The following SCIN variants were observed in gnomAD, a reference collection of about 807,000 sequenced individuals.
The protein encoded by SCIN is scinderin, also known as adseverin.
A neutral mutation model predicts 91.8 loss-of-function variants in SCIN; 91 were observed. The observed-to-expected ratio is 0.99, with a 90% confidence interval of 0.84 to 1.18. SCIN has a LOEUF of 1.18. Among genes scored for constraint, SCIN ranks in the 50% most tolerant of loss-of-function variants. SCIN has a pLI of 0.00. For synonymous variants in SCIN, 367 were observed against 312.6 expected (o/e 1.17, Z -1.84); for missense variants, 1,087 against 863.9 (o/e 1.26, Z -3.24).
chr7:12,608,521 A>G (rs1783127199), intron 4 of SCIN, among the ~76,000 whole-genome samples: 1 of 152,162 alleles, frequency 6.6e-6, no homozygotes, highest in Admixed American at 6.5e-5. Flanking sequence ...ACTGTCACAC[A>G]GTCTAGAGTG....
chr7:12,605,350 T>A (rs1783056917), intron 4 of SCIN, among the ~76,000 whole-genome samples: 1 of 152,148 alleles, frequency 6.6e-6, no homozygotes, highest in African/African-American at 2.4e-5. Flanking sequence ...TGCCCGGCCT[T>A]CTCAGGGTTT....
chr7:12,582,624 A>G (rs1782510377), intron 3 of SCIN, among the ~76,000 whole-genome samples: 1 of 152,178 alleles, frequency 6.6e-6, no homozygotes, highest in Admixed American at 6.5e-5. Context: ...GAATCTCACA[A>G]TAAATTTCAT....
In SCIN at chr7:12,658,398, T is replaced by C. The variant is rs1359610865; in HGVS notation, c.*5683T>C. The C allele has an allele frequency of 6.6e-6, 1 of 152,198 alleles. No individual in the cohort carries two copies. Among genetic ancestry groups the C allele is most frequent in the Non-Finnish European group, 1.5e-5 (1 of 68,038 alleles). The allele number at this position is 152,198 out of a possible 1,614,324, so 9.4% of individuals were successfully genotyped here. Reference sequence around the variant, plus strand: ...ATGTGGGCAGGGTTTCACTGGAGTATTGACACACCAAAGATGCTATGTAGG... The same window carrying C: ...ATGTGGGCAGGGTTTCACTGGAGTACTGACACACCAAAGATGCTATGTAGG... On this transcript the variant is annotated 3_prime_UTR_variant, in exon 16 of 16. Transcript: ENST00000297029.
At chr7:12,578,806 C>T (rs1782425912) in intron 2 of SCIN, among the ~76,000 whole-genome samples, 1 of 151,608 alleles carries the variant, frequency 6.6e-6, no homozygotes. Context: ...AATTTATGCA[C>T]ACTGGTCTGA....
At chr7:12,578,785 C>A (rs113996676) in intron 2 of SCIN, among the ~76,000 whole-genome samples, 15 of 152,056 alleles carry the variant, frequency 9.9e-5, no homozygotes, top group African/African-American at 3.1e-4. Context: ...ACTACACACA[C>A]GCACATACAC....
intron 13 of SCIN, among the ~76,000 whole-genome samples, chr7:12,646,481 C>G (rs1323479101): frequency 6.6e-6 from 1 of 152,178 alleles, no homozygotes; most frequent in African/African-American, 2.4e-5. Flanking sequence ...CTCCTACTAC[C>G]ATGCCATTGG....
chr7:12,606,468 T>C (rs1293765047), intron 4 of SCIN, among the ~76,000 whole-genome samples: 1 of 152,216 alleles, frequency 6.6e-6, no homozygotes, highest in African/African-American at 2.4e-5. Flanking sequence ...AATAACTTTA[T>C]GTATTGTAAT....
At position 12,578,141 on chromosome 7, in the gene SCIN, C is replaced by A. The variant is rs576612093; in HGVS notation, c.277C>A (p.Pro93Thr). 9.0e-6 allele frequency: 14 copies of A among 1,551,248 alleles called. No individual in the cohort carries two copies. The South Asian group carries it at 1.4e-4, about 16-fold the overall frequency. Residue 93 changes from proline to threonine, a missense_variant, in exon 2 of 16, where the codon CCA becomes ACA. Coordinates refer to ENST00000297029, the MANE Select transcript of SCIN (RefSeq NM_001112706.3). ...VQMDDYLGGK[P>T]VQNRELQGYE... is the part of the protein sequence containing the mutation. ...GATGGATGACTATTTGGGTGGCAAG[C>A]CAGTGCAGAATAGAGAACTTCAAGG...
intron 1 of SCIN, 35 bp downstream of exon 1, chr7:12,571,020 C>A: frequency 6.5e-7 from 1 of 1,532,964 alleles, no homozygotes; most frequent in Non-Finnish European, 8.8e-7. Flanking sequence ...CCCGACGCAC[C>A]AAGGCCGGCG....
chr7:12,608,681 G>T (rs912402445), intron 4 of SCIN, among the ~76,000 whole-genome samples: 1 of 152,052 alleles, frequency 6.6e-6, no homozygotes, highest in African/African-American at 2.4e-5. Flanking sequence ...GTTTCACTCT[G>T]TTGGCCAGGC....
rs552194334 is a variant in SCIN at position 12,627,793 on chromosome 7, C to T, written c.1197+994C>T. On this transcript the variant is annotated intron_variant, in intron 8 of 15. Coordinates refer to ENST00000297029, the MANE Select transcript of SCIN (RefSeq NM_001112706.3). ...CTCAGCCCTCCTGGCAAACTTGGTC[C>T]CCAGCACCAGCTGTGTCCTGGCTGC... Among the ~76,000 whole-genome samples, 33 of 152,202 alleles carry T rather than the reference C, an allele frequency of 2.2e-4. No homozygotes were observed. In the South Asian group the frequency reaches 6.2e-3, roughly 29 times the overall value.
chr7:12,587,956 C>T (rs1782625440), intron 3 of SCIN, among the ~76,000 whole-genome samples: 1 of 152,204 alleles, frequency 6.6e-6, no homozygotes, highest in African/African-American at 2.4e-5. Flanking sequence ...GAAACAGCAT[C>T]CTCACTTACT....
At chr7:12,582,037 C>T (rs1442344041) in intron 3 of SCIN, among the ~76,000 whole-genome samples, 3 of 152,224 alleles carry the variant, frequency 2.0e-5, no homozygotes, top group African/African-American at 7.2e-5. Context: ...TCACACCATA[C>T]ATCTCAACAT....
intron 14 of SCIN, among the ~76,000 whole-genome samples, chr7:12,650,836 A>G (rs1784064548): frequency 6.6e-6 from 1 of 152,158 alleles, no homozygotes; most frequent in Non-Finnish European, 1.5e-5. Flanking sequence ...GAGGAGAAAA[A>G]CACTAACCTT....
At chr7:12,580,457 C>T (rs951353083) in intron 2 of SCIN, among the ~76,000 whole-genome samples, 1 of 152,084 alleles carries the variant, frequency 6.6e-6, no homozygotes, top group Non-Finnish European at 1.5e-5. Flanking sequence ...AGTAAAAACA[C>T]TCAGGCCTAG....
intron 4 of SCIN, among the ~76,000 whole-genome samples, chr7:12,613,935 CA>C (rs1461623435): frequency 6.6e-6 from 1 of 151,844 alleles, no homozygotes; most frequent in Non-Finnish European, 1.5e-5. Context: ...TGTATGTAAA[CA>C]AAAAAGCTTC....
In SCIN at chr7:12,629,219, C is replaced by T. The variant is rs747698986; in HGVS notation, c.1316C>T (p.Thr439Met). ...TATCCCAGAGGACAGATTATCTACA[C>T]GTGGTGAGTTTATACGGGTAAAGAT... ...YTYPRGQIIY[T>M]WQGANATRDE... is the part of the protein sequence containing the mutation. The change falls in exon 9 of 16, where the codon ACG becomes ATG. Residue 439 changes from threonine (T) to methionine (M), a missense_variant. Coordinates refer to ENST00000297029, the MANE Select transcript of SCIN (RefSeq NM_001112706.3). 11 of 1,608,406 alleles carry T rather than the reference C, an allele frequency of 6.8e-6. No homozygotes were observed. In the East Asian group the frequency reaches 8.9e-5, roughly 13 times the overall value.
intron 10 of SCIN, among the ~76,000 whole-genome samples, chr7:12,639,106 C>A (rs1381760876): frequency 6.6e-6 from 1 of 152,130 alleles, no homozygotes; most frequent in African/African-American, 2.4e-5. Context: ...TTTCAACGCT[C>A]CTTTGTAGAA....
Position 12,635,611 on chromosome 7 carries a change from C to CAAAAAAAAAA in SCIN, c.1320-412_1320-403dup, listed in dbSNP as rs59324421. Among the ~76,000 whole-genome samples the CAAAAAAAAAA allele has an allele frequency of 1.5e-3, 9 of 5,854 alleles. 1 individual carries two copies. Among genetic ancestry groups the CAAAAAAAAAA allele is most frequent in the Non-Finnish European group, 2.7e-3 (6 of 2,224 alleles). The allele number at this position is 5,854 out of a possible 152,430, so 3.8% of individuals were successfully genotyped here. On this transcript the variant is annotated intron_variant, in intron 9 of 15. Transcript: ENST00000297029. ...CGGGCGACAGTGCAGGACTCCGTCT[C>CAAAAAAAAAA]AAAAAAAAAAAAAAAAAAAAAAAAA... is the stretch of plus-strand genomic sequence containing the variant.
Sources: allele counts gnomAD v4.1 joint callset (sites outside exome capture counted in the v4.1 genomes callset), GRCh38; gene constraint gnomAD v4.1.1; transcripts MANE v1.5; gene names NCBI Gene and HGNC (gene_info 2026-07-23, HGNC 2026-07-21).